The following RYR2 variants were observed in gnomAD, a reference collection of about 807,000 sequenced individuals.
RYR2 encodes cardiac muscle ryanodine receptor-calcium release channel.
RYR2 carries 227 observed loss-of-function variants against 601.1 expected under a neutral mutation model. That is an observed-to-expected ratio of 0.38 (90% confidence interval 0.34 to 0.42). The LOEUF is 0.42. RYR2 is among the 10% of genes least tolerant of loss of function. The probability of loss-of-function intolerance (pLI) is 1.00; values close to 1 mark genes in which losing one functional copy is unlikely to be tolerated. For synonymous variants in RYR2, 2,223 were observed against 2,175.1 expected (o/e 1.02, Z -0.61); for missense variants, 4,646 against 6,156.5 (o/e 0.75, Z 8.21).
chr1:237,073,176 T>C (rs896735097), intron 1 of RYR2, among the ~76,000 whole-genome samples: 3 of 152,154 alleles, frequency 2.0e-5, no homozygotes, highest in Non-Finnish European at 4.4e-5. Context: ...CTTTAGTTGA[T>C]TGACTATTTG....
chr1:237,785,837 C>A (rs769940864), intron 90 of RYR2, 132 bp from the exon 91 acceptor site: 6 of 689,348 alleles, frequency 8.7e-6, no homozygotes, highest in African/African-American at 7.2e-5. Flanking sequence ...AAACACGTGG[C>A]GCTTTTATCG....
At chr1:237,107,320 G>C (rs1173746059) in intron 1 of RYR2, among the ~76,000 whole-genome samples, 1 of 151,378 alleles carries the variant, frequency 6.6e-6, no homozygotes, top group Non-Finnish European at 1.5e-5. Flanking sequence ...AGGAGATCGA[G>C]ACCATCCTGG....
At chr1:237,158,574 A>G (rs142225699) in intron 1 of RYR2, among the ~76,000 whole-genome samples, 14 of 152,288 alleles carry the variant, frequency 9.2e-5, no homozygotes, top group Non-Finnish European at 1.3e-4. Flanking sequence ...TTCTTCTGCT[A>G]TTCTTAAAAA....
rs184085867 is a variant in RYR2, at chr1:237,497,348, G to T, written c.2203+596G>T. 2.0e-5 allele frequency among the ~76,000 whole-genome samples: 3 copies of T among 152,280 alleles called. No individual in the cohort carries two copies. In the East Asian group the frequency reaches 5.8e-4, roughly 29 times the overall value. On this transcript the variant is annotated intron_variant, in intron 20 of 104. Coordinates refer to ENST00000366574, the MANE Select transcript of RYR2 (RefSeq NM_001035.3). Reference sequence around the variant, plus strand: ...TCACCAGCTACCAACTCTTAGCTTTGATGGTTGAGTATATATTAAAAATGA... The same window carrying T: ...TCACCAGCTACCAACTCTTAGCTTTTATGGTTGAGTATATATTAAAAATGA...
chr1:237,673,516 G>A (rs1402220744), intron 58 of RYR2, among the ~76,000 whole-genome samples: 1 of 151,986 alleles, frequency 6.6e-6, no homozygotes, highest in Non-Finnish European at 1.5e-5. Context: ...ACTTGCCCAC[G>A]TGGTTTAAAG....
chr1:237,199,476 G>C (rs905874747), intron 1 of RYR2, among the ~76,000 whole-genome samples: 2 of 152,188 alleles, frequency 1.3e-5, no homozygotes, highest in African/African-American at 4.8e-5. Context: ...AAAGATGGGG[G>C]CCAGGAGACT....
At position 237,701,314 on chromosome 1, in the gene RYR2, T is replaced by C. The variant is rs533082350; in HGVS notation, c.9368-664T>C. Among the ~76,000 whole-genome samples the C allele has an allele frequency of 5.9e-5, 9 of 152,304 alleles. No homozygotes were observed. In the East Asian group the frequency reaches 1.7e-3, roughly 30 times the overall value. On this transcript the variant is annotated intron_variant, in intron 65 of 104. Transcript: ENST00000366574. ...GGGAGGCTGAGGTGGGTGGTTCAGC[T>C]GAAGTCAGGAGTTCGAGACCAGCCT...
chr1:237,044,793 T>C (rs1362837466), intron 1 of RYR2, among the ~76,000 whole-genome samples: 1 of 151,580 alleles, frequency 6.6e-6, no homozygotes, highest in African/African-American at 2.4e-5. Context: ...CCCTTTTTTT[T>C]CTCTTAACCT....
At chr1:237,678,735 A>G (rs1685612986) in intron 61 of RYR2, among the ~76,000 whole-genome samples, 1 of 152,196 alleles carries the variant, frequency 6.6e-6, no homozygotes, top group African/African-American at 2.4e-5. Flanking sequence ...GCATTTACTT[A>G]GTATTTACTG....
At chr1:237,671,502 G>GGT (rs367893618) in intron 58 of RYR2, among the ~76,000 whole-genome samples, 3,019 of 149,318 alleles carry the variant, frequency 0.02, 92 homozygotes, top group African/African-American at 0.069. Flanking sequence ...TTGGTGCCTG[G>GGT]GTGTGTGTGT....
chr1:237,136,625 G>T lies in RYR2; in HGVS notation c.48+94056G>T, dbSNP rs373924002. 7.2e-5 allele frequency among the ~76,000 whole-genome samples: 11 copies of T among 152,278 alleles called. No individual in the cohort carries two copies. The East Asian group carries it at 2.1e-3, about 29-fold the overall frequency. On this transcript the variant is annotated intron_variant, in intron 1 of 104. Coordinates refer to ENST00000366574, the MANE Select transcript of RYR2 (RefSeq NM_001035.3). The stretch of plus-strand genomic sequence containing the variant: ...GCTGTGTATGGGAAGGGGAATATTG[G>T]CAAGAGGGAGAAGGTTTTCCTGTTC...
At chr1:237,100,054 G>A (rs1224854265) in intron 1 of RYR2, among the ~76,000 whole-genome samples, 1 of 152,168 alleles carries the variant, frequency 6.6e-6, no homozygotes, top group East Asian at 1.9e-4. Flanking sequence ...GGACCCTCCT[G>A]CCTGCCCTTG....
Position 237,224,850 on chromosome 1 carries a change from A to G in RYR2, c.49-45647A>G, listed in dbSNP as rs74802762. Among the ~76,000 whole-genome samples the G allele has an allele frequency of 9.0e-3, 1,366 of 152,250 alleles. 17 individuals carry two copies. The highest frequency in any genetic ancestry group is 0.031 in the African/African-American group (1,300 of 41,542). ...ACTCCAGTCTGGGTGACAGAGCAAG[A>G]CTTTGTCATTTACAAAAAAAATTAT... On this transcript the variant is annotated intron_variant, in intron 1 of 104. Coordinates refer to ENST00000366574, the MANE Select transcript of RYR2 (RefSeq NM_001035.3).
At chr1:237,652,647 T>A (rs1488130737) in intron 51 of RYR2, among the ~76,000 whole-genome samples, 1 of 152,192 alleles carries the variant, frequency 6.6e-6, no homozygotes, top group Non-Finnish European at 1.5e-5. Flanking sequence ...ATAAATTATA[T>A]CCTTGATAAA....
chr1:237,559,948 C>T (rs1671287179), intron 27 of RYR2, among the ~76,000 whole-genome samples: 1 of 152,200 alleles, frequency 6.6e-6, no homozygotes, highest in South Asian at 2.1e-4. Context: ...ACAGAGACTT[C>T]TTTAAATGCC....
chr1:237,078,645 A>C (rs1374624581), intron 1 of RYR2, among the ~76,000 whole-genome samples: 1 of 80,394 alleles, frequency 1.2e-5, no homozygotes, highest in East Asian at 4.5e-4. Flanking sequence ...ATAGTTTACC[A>C]ACCAAAAAGA....
chr1:237,801,821 G>C, intron 97 of RYR2, 35 bp from the exon 98 acceptor site: 1 of 1,399,368 alleles, frequency 7.1e-7, no homozygotes, highest in Non-Finnish European at 9.9e-7. Context: ...TGGTTAATGT[G>C]CATAACTACG....
chr1:237,103,353 T>G (rs905420178), intron 1 of RYR2, among the ~76,000 whole-genome samples: 1 of 152,262 alleles, frequency 6.6e-6, no homozygotes, highest in Non-Finnish European at 1.5e-5. Flanking sequence ...CATATCCTGC[T>G]GCCCAGGGCA....
intron 17 of RYR2, among the ~76,000 whole-genome samples, chr1:237,484,505 ACTT>A (rs1233065991): frequency 3.9e-5 from 6 of 152,012 alleles, no homozygotes; most frequent in African/African-American, 4.8e-5. Context: ...AATTCCATTC[ACTT>A]CTTCTCCCAA....
Sources: allele counts gnomAD v4.1 joint callset (sites outside exome capture counted in the v4.1 genomes callset), GRCh38; gene constraint gnomAD v4.1.1; transcripts MANE v1.5; gene names NCBI Gene and HGNC (gene_info 2026-07-23, HGNC 2026-07-21).